SLC1A5: variants seen among roughly 807,000 people sequenced by gnomAD.
SLC1A5 encodes the protein solute carrier family 1 member 5.
SLC1A5 carries 25 observed loss-of-function variants against 34.9 expected under a neutral mutation model. The ratio of observed to expected loss-of-function variants is 0.72; its 90% CI spans 0.52 to 1.00. The LOEUF is 1.00. Among genes scored for constraint, SLC1A5 ranks in the 50% least tolerant of loss-of-function variants. The pLI, the probability that SLC1A5 is intolerant of heterozygous loss-of-function variation, is 0.00. For missense variants in SLC1A5, 637 were observed against 740.0 expected, an observed-to-expected ratio of 0.86 and a Z score of 1.61; for synonymous variants, 351 against 341.2, an observed-to-expected ratio of 1.03 and a Z score of -0.32.
chr19:46,786,533 T>C (rs1427779898), intron 1 of SLC1A5, among the ~76,000 whole-genome samples: 1 of 152,206 alleles, frequency 6.6e-6, no homozygotes, highest in East Asian at 1.9e-4. Context: ...CAGCCTGCAC[T>C]GACGCCCCAG....
At position 46,776,893 on chromosome 19, in the gene SLC1A5, G is replaced by T. The variant is rs191406054; in HGVS notation, c.1388+82C>A. ...CCTTCTTCTCTTCCTCTTCTGTCCAGAGGCTCTAAGGACTCTCACTCACTC... is the reference window on the plus strand; with the variant it reads ...CCTTCTTCTCTTCCTCTTCTGTCCATAGGCTCTAAGGACTCTCACTCACTC... On this transcript the variant is annotated intron_variant, in intron 7 of 7. Transcript: ENST00000542575. 292 of 1,423,018 alleles carry T rather than the reference G, an allele frequency of 2.1e-4. No individual in the cohort carries two copies. The African/African-American group carries it at 3.8e-3, about 18-fold the overall frequency. 88.1% of individuals were successfully genotyped at this position (1,423,018 alleles called of 1,614,324 possible).
At chr19:46,778,624 A>T in intron 5 of SLC1A5, 51 bp downstream of exon 5, 1 of 1,334,450 alleles carries the variant, frequency 7.5e-7, no homozygotes, top group Non-Finnish European at 1.1e-6. Context: ...CATCCGCTCC[A>T]TGCCGCTTAG....
chr19:46,775,731 C>T lies in SLC1A5; in HGVS notation c.1405G>A (p.Val469Ile), dbSNP rs151005563. 210 of 1,613,548 alleles carry T rather than the reference C, an allele frequency of 1.3e-4. No homozygotes were observed. In the African/African-American group the frequency reaches 1.4e-3, roughly 10 times the overall value. The change falls in exon 8 of 8, where the codon GTC (valine) becomes ATC (isoleucine). Residue 469 changes from valine to isoleucine, a missense_variant. Transcript: ENST00000542575. ...AGAGCGTCACCTTCTACATTGAGGA[C>T]GGTACAGGACCGGTCGCTAAAGGGG... ...VDWLVDRSCT[V>I]LNVEGDALGA...
At chr19:46,777,808 C>G (rs1405309134) in intron 5 of SLC1A5, among the ~76,000 whole-genome samples, 1 of 150,866 alleles carries the variant, frequency 6.6e-6, no homozygotes, top group Non-Finnish European at 1.5e-5. Context: ...TAACCTAGAC[C>G]CCCCTTCCCT....
intron 7 of SLC1A5, among the ~76,000 whole-genome samples, chr19:46,776,197 A>AT (rs57733706): frequency 1.4e-3 from 171 of 121,786 alleles, no homozygotes; most frequent in East Asian, 3.9e-3. Context: ...TAATTCCAGA[A>AT]TTTTTTTTTT....
At chr19:46,784,581 G>A (rs1299187943) in intron 1 of SLC1A5, 22 bp from the exon 2 acceptor site, 4 of 1,614,030 alleles carry the variant, frequency 2.5e-6, no homozygotes, top group South Asian at 1.1e-5. Context: ...GACACACAGA[G>A]GGTTATTAGA....
chr19:46,776,709 T>C (rs1439009724), intron 7 of SLC1A5: 2 of 397,090 alleles, frequency 5.0e-6, no homozygotes, highest in South Asian at 4.1e-5. Context: ...ACAGTGAATG[T>C]TGGAGCTGGG....
chr19:46,781,662 G>A (rs985674539), intron 4 of SLC1A5, among the ~76,000 whole-genome samples: 4 of 152,008 alleles, frequency 2.6e-5, no homozygotes, highest in Admixed American at 6.6e-5. Flanking sequence ...ATCATCGGTC[G>A]CCCATCCATC....
At chr19:46,777,495 CCCCACCCCAACCAGCCAAAGCCCCA>C in intron 5 of SLC1A5, 90 bp from the exon 6 acceptor site, 5 of 1,268,002 alleles carry the variant, frequency 3.9e-6, no homozygotes, top group Non-Finnish European at 5.3e-6. Flanking sequence ...GCCTCGCCTA[CCCCACCCCAACCAGCCAAAGCCCCA>C]CCCACCCCAC....
chr19:46,782,346 A>ACACCCCC, intron 4 of SLC1A5, 37 bp downstream of exon 4: 2 of 567,986 alleles, frequency 3.5e-6, no homozygotes, highest in East Asian at 3.6e-5. Context: ...CGACCCTCCA[A>ACACCCCC]CCCCACCCAC....
At position 46,778,736 on chromosome 19, in the gene SLC1A5, G is replaced by A; in HGVS notation, c.997C>T (p.Pro333Ser). Residue 333 changes from proline (P) to serine (S), a missense_variant, in exon 5 of 8, where the codon CCC (proline) becomes TCC (serine). Physicochemically the swap from Pro to Ser is moderately conservative, Grantham distance 74 (BLOSUM62 -1). Transcript: ENST00000542575. ...ACGATGCCCCACAGGAAGCGGTAGG[G>A]GTTTTTGCGGGTGAAGAGGAAGTAG... The part of the protein sequence containing the change: ...LIYFLFTRKN[P>S]YRFLWGIVTP... 2 of 1,614,066 alleles carry A rather than the reference G, an allele frequency of 1.2e-6. No homozygotes were observed.
intron 3 of SLC1A5, 25 bp downstream of exon 3, chr19:46,784,072 C>A: frequency 6.2e-7 from 1 of 1,600,068 alleles, no homozygotes; most frequent in Non-Finnish European, 8.6e-7. Context: ...GAGGTAGAGC[C>A]CCCGCTGCCT....
intron 5 of SLC1A5, 87 bp downstream of exon 5, chr19:46,778,588 T>C (rs2055117411): frequency 1.1e-6 from 1 of 926,354 alleles, no homozygotes; most frequent in African/African-American, 1.6e-5. Flanking sequence ...TGTACCCAGA[T>C]ACAATGTCCC....
chr19:46,778,647 C>T (rs1384998611), intron 5 of SLC1A5, 28 bp downstream of exon 5: 60 of 603,058 alleles, frequency 9.9e-5, no homozygotes, highest in Middle Eastern at 3.8e-4. Context: ...GATTAAACAT[C>T]CCACCCTAGC....
chr19:46,775,073 A>ACACACACGTG lies in SLC1A5; in HGVS notation c.*436_*437insCACGTGTGTG. ...ACAGAACACACACACACACACACAC[A>ACACACACGTG]CACACACACACACACACGTGCACAC... On this transcript the variant is annotated 3_prime_UTR_variant, in exon 8 of 8. Transcript: ENST00000542575. 1 of 996,662 alleles carries ACACACACGTG rather than the reference A, an allele frequency of 1.0e-6. No homozygotes were observed. Among genetic ancestry groups the ACACACACGTG allele is most frequent in the Non-Finnish European group, 1.2e-6 (1 of 835,636 alleles). 61.7% of individuals were successfully genotyped at this position (996,662 alleles called of 1,614,324 possible). A position where few individuals can be genotyped will look rare whatever the true frequency, so the allele number is the denominator to read the frequency against.
At position 46,775,742 on chromosome 19, in the gene SLC1A5, C is replaced by T. The variant is rs371131128; in HGVS notation, c.1394G>A (p.Arg465Gln). Residue 465 changes from arginine (R) to glutamine (Q), a missense_variant, in exon 8 of 8, where the codon CGG becomes CAG. By Grantham distance (43) the Arg-to-Gln change is conservative (BLOSUM62 1). Transcript: ENST00000542575. ...TTCTACATTGAGGACGGTACAGGACCGGTCGCTAAAGGGGTAGAAATGACA... is the reference window on the plus strand; with the variant it reads ...TTCTACATTGAGGACGGTACAGGACTGGTCGCTAAAGGGGTAGAAATGACA... The part of the protein sequence containing the change: ...LILAVDWLVD[R>Q]SCTVLNVEGD... 1.2e-5 allele frequency: 19 copies of T among 1,612,592 alleles called. No individual in the cohort carries two copies. Among genetic ancestry groups the T allele is most frequent in the Non-Finnish European group, 1.5e-5 (18 of 1,179,202 alleles).
chr19:46,778,992 T>C, intron 4 of SLC1A5, 84 bp from the exon 5 acceptor site: 2 of 926,886 alleles, frequency 2.2e-6, no homozygotes, highest in South Asian at 1.7e-5. Flanking sequence ...TACCCACATC[T>C]TCCTGCCTTC....
chr19:46,775,773 G>C, intron 7 of SLC1A5, 26 bp from the exon 8 acceptor site: 1 of 1,604,770 alleles, frequency 6.2e-7, no homozygotes. Flanking sequence ...TGACAGCAAA[G>C]TAAGCGGGAG....
chr19:46,779,057 G>A, intron 4 of SLC1A5, 149 bp from the exon 5 acceptor site: 1 of 598,398 alleles, frequency 1.7e-6, no homozygotes, highest in East Asian at 2.9e-5. Context: ...ACCACTCCCA[G>A]GCCTGGCCCC....
Sources: allele counts gnomAD v4.1 joint callset (sites outside exome capture counted in the v4.1 genomes callset), GRCh38; gene constraint gnomAD v4.1.1; transcripts MANE v1.5; gene names NCBI Gene and HGNC (gene_info 2026-07-23, HGNC 2026-07-21).